The following ARPIN variants were observed in gnomAD, a reference collection of about 807,000 sequenced individuals.
ARPIN encodes the protein UPF0552 protein C15orf38.
A neutral mutation model predicts 25.9 loss-of-function variants in ARPIN; 23 were observed. That is an observed-to-expected ratio of 0.89 (90% CI 0.64 to 1.26). The LOEUF (loss-of-function observed/expected upper bound fraction) is 1.26. Among genes scored for constraint, ARPIN ranks in the 50% most tolerant of loss-of-function variants. The pLI is 0.00. For missense variants in ARPIN, 333 were observed against 312.2 expected (o/e 1.07, Z -0.50); for synonymous variants, 126 against 131.4 (o/e 0.96, Z 0.28).
intron 2 of ARPIN, among the ~76,000 whole-genome samples, chr15:89,909,058 G>A (rs747430291): frequency 7.2e-5 from 11 of 152,146 alleles, no homozygotes; most frequent in South Asian, 4.1e-4. Flanking sequence ...AGGAATGGGC[G>A]CTGCCAAGGT....
chr15:89,908,932 G>A (rs1015005072), intron 2 of ARPIN, among the ~76,000 whole-genome samples: 10 of 152,130 alleles, frequency 6.6e-5, no homozygotes, highest in East Asian at 3.9e-4. Context: ...GCTGTAAGCC[G>A]AGATCCTGCC....
Position 89,900,488 on chromosome 15 carries a change from T to G in ARPIN, c.*1307A>C, listed in dbSNP as rs3853640. On this transcript the variant is annotated 3_prime_UTR_variant, in exon 6 of 6. Transcript: ENST00000357484. ...GCCACTGTATACTATCCTAGAGCTC[T>G]GAGCTTTAGTCTCATGAGAAAATGG... is the stretch of plus-strand genomic sequence containing the variant. 0.44 allele frequency: 67,633 copies of G among 152,070 alleles called. 15,348 individuals carry two copies. Among genetic ancestry groups the G allele is most frequent in the East Asian group, 0.65 (3,373 of 5,160 alleles). The allele number at this position is 152,070 out of a possible 1,614,324, so 9.4% of individuals were successfully genotyped here. A position where few individuals can be genotyped will look rare whatever the true frequency, so the allele number is the denominator to read the frequency against.
Position 89,896,806 on chromosome 15 carries a change from C to A in ARPIN, c.*4989G>T, listed in dbSNP as rs1261505274. On this transcript the variant is annotated 3_prime_UTR_variant, in exon 6 of 6. Coordinates refer to ENST00000357484, the MANE Select transcript of ARPIN (RefSeq NM_182616.4). ...AAGCTCACTATAAGTGGGGGAAAGG[C>A]AAATTAAAATATATTCAAATATTAT... 3 of 152,050 alleles carry A rather than the reference C, an allele frequency of 2.0e-5. No individual in the cohort carries two copies. The highest frequency in any genetic ancestry group is 7.2e-5 in the African/African-American group (3 of 41,384). 9.4% of individuals were successfully genotyped at this position (152,050 alleles called of 1,614,324 possible).
rs1896980992 is a variant in ARPIN, at chr15:89,899,327, CGCCCACCTCG to C, written c.*2458_*2467del. 6.6e-6 allele frequency: 1 copy of C among 152,250 alleles called. No homozygotes were observed. Among genetic ancestry groups the C allele is most frequent in the Non-Finnish European group, 1.5e-5 (1 of 68,232 alleles). 9.4% of individuals were successfully genotyped at this position (152,250 alleles called of 1,614,324 possible). A position where few individuals can be genotyped will look rare whatever the true frequency, so the allele number is the denominator to read the frequency against. On this transcript the variant is annotated 3_prime_UTR_variant, in exon 6 of 6. Coordinates refer to ENST00000357484, the MANE Select transcript of ARPIN (RefSeq NM_182616.4). Reference sequence around the variant, plus strand: ...TTCGAACTCCTGACCTCAAGTGATCCGCCCACCTCGGCCTCCCAAAGTGCTAAGATTACAG... The same window carrying C: ...TTCGAACTCCTGACCTCAAGTGATCCGCCTCCCAAAGTGCTAAGATTACAG...
At chr15:89,905,849 C>T (rs1030941295) in intron 3 of ARPIN, among the ~76,000 whole-genome samples, 6 of 152,096 alleles carry the variant, frequency 3.9e-5, no homozygotes, top group African/African-American at 1.4e-4. Context: ...TCTCGATGTG[C>T]TGCAGCCCAG....
At chr15:89,907,784 T>C (rs61281891) in intron 3 of ARPIN, among the ~76,000 whole-genome samples, 6,849 of 152,218 alleles carry the variant, frequency 0.045, 537 homozygotes, top group African/African-American at 0.16. Context: ...CTGGGCTACA[T>C]AGCAAAACCC....
rs1897161955 is a variant in ARPIN at position 89,908,325 on chromosome 15, T to C, written c.256A>G (p.Ser86Gly). The change falls in exon 3 of 6, where the codon AGC becomes GGC. Residue 86 changes from serine to glycine, a missense_variant. Ser to Gly is a moderately conservative substitution (Grantham distance 56, BLOSUM62 0). Coordinates refer to ENST00000357484, the MANE Select transcript of ARPIN (RefSeq NM_182616.4). The stretch of plus-strand genomic sequence containing the variant: ...CCCGTGTTCACCTTCCTGGTGGCGC[T>C]GAAGTTGGGCTCGATTTCATTTCCC... Reference protein sequence around the residue: ...AKGNEIEPNFSATRKVNTGFL... With the variant: ...AKGNEIEPNFGATRKVNTGFL... 1 of 1,613,998 alleles carries C rather than the reference T, an allele frequency of 6.2e-7. No homozygotes were observed. Among genetic ancestry groups the C allele is most frequent in the African/African-American group, 1.3e-5 (1 of 74,892 alleles).
At chr15:89,908,463 C>T in intron 2 of ARPIN, 51 bp from the exon 3 acceptor site, 1 of 1,606,050 alleles carries the variant, frequency 6.2e-7, no homozygotes. Context: ...CCACAACACA[C>T]ACACTCTGGG....
chr15:89,910,474 G>T (rs1445141315), intron 2 of ARPIN, among the ~76,000 whole-genome samples: 1 of 152,128 alleles, frequency 6.6e-6, no homozygotes, highest in Non-Finnish European at 1.5e-5. Flanking sequence ...GGGGTTTAGG[G>T]CCTGGTCTGC....
intron 3 of ARPIN, 85 bp from the exon 4 acceptor site, chr15:89,904,068 A>G (rs1897076946): frequency 6.8e-7 from 1 of 1,462,638 alleles, no homozygotes; most frequent in African/African-American, 1.4e-5. Flanking sequence ...GTGAGGGCTG[A>G]GTGTTTCCAA....
chr15:89,909,451 C>T (rs1201622309), intron 2 of ARPIN, among the ~76,000 whole-genome samples: 1 of 152,106 alleles, frequency 6.6e-6, no homozygotes, highest in East Asian at 1.9e-4. Context: ...GCCAAGAGGC[C>T]CTTGTGCATG....
chr15:89,909,525 G>A (rs1466761921), intron 2 of ARPIN, among the ~76,000 whole-genome samples: 3 of 152,214 alleles, frequency 2.0e-5, no homozygotes, highest in African/African-American at 7.2e-5. Context: ...AAGTGGGCTT[G>A]GTTCAGGACA....
At chr15:89,908,552 T>G in intron 2 of ARPIN, 140 bp from the exon 3 acceptor site, 2 of 1,390,708 alleles carry the variant, frequency 1.4e-6, no homozygotes, top group Non-Finnish European at 1.9e-6. Context: ...GCTAGGCAGA[T>G]GCTCCCTCTG....
At chr15:89,903,673 G>C in intron 4 of ARPIN, 104 bp downstream of exon 4, 1 of 1,531,966 alleles carries the variant, frequency 6.5e-7, no homozygotes, top group Admixed American at 1.9e-5. Context: ...TCCCCATGGA[G>C]GCCAGCCCTT....
intron 2 of ARPIN, among the ~76,000 whole-genome samples, chr15:89,909,749 C>T (rs534619652): frequency 1.3e-5 from 2 of 152,258 alleles, no homozygotes; most frequent in East Asian, 3.9e-4. Flanking sequence ...CTCAGGTAAG[C>T]AGCCATGGAA....
chr15:89,901,902 G>T, intron 5 of ARPIN, 99 bp from the exon 6 acceptor site: 1 of 1,439,730 alleles, frequency 6.9e-7, no homozygotes, highest in Non-Finnish European at 9.7e-7. Context: ...CGTGGTACCT[G>T]TGGGGCCCAT....
rs1384235848 is a variant in ARPIN at position 89,895,219 on chromosome 15, A to T, written c.*6576T>A. The T allele has an allele frequency of 6.6e-6, 1 of 152,236 alleles. No individual in the cohort carries two copies. Among genetic ancestry groups the T allele is most frequent in the Non-Finnish European group, 1.5e-5 (1 of 68,038 alleles). 9.4% of individuals were successfully genotyped at this position (152,236 alleles called of 1,614,324 possible). ...GCATTGTTCTACATTGAATATGAGA[A>T]ATATTAAATAGATAATAAAAATCAT... is the stretch of plus-strand genomic sequence containing the variant. On this transcript the variant is annotated 3_prime_UTR_variant, in exon 6 of 6. Coordinates refer to ENST00000357484, the MANE Select transcript of ARPIN (RefSeq NM_182616.4).
Position 89,903,757 on chromosome 15 carries a change from G to A in ARPIN, c.508+20C>T. 6.2e-7 allele frequency: 1 copy of A among 1,613,496 alleles called. No homozygotes were observed. Among genetic ancestry groups the A allele is most frequent in the African/African-American group, 1.3e-5 (1 of 75,082 alleles). On this transcript the variant is annotated intron_variant, in intron 4 of 5. Transcript: ENST00000357484. ...GGCCACACAGGAACAGTGGGCCACA[G>A]TGAGGGTTGCATTGCTCACCCAGGA...
intron 3 of ARPIN, among the ~76,000 whole-genome samples, chr15:89,906,832 A>C (rs1012124345): frequency 2.6e-5 from 4 of 151,910 alleles, no homozygotes; most frequent in African/African-American, 9.7e-5. Flanking sequence ...GTATCCCCCA[A>C]AATTCGTACG....
Sources: allele counts gnomAD v4.1 joint callset (sites outside exome capture counted in the v4.1 genomes callset), GRCh38; gene constraint gnomAD v4.1.1; transcripts MANE v1.5; gene names NCBI Gene and HGNC (gene_info 2026-07-23, HGNC 2026-07-21).